Variants in CSNK2A1 observed in about 807,000 individuals in gnomAD.
CSNK2A1 encodes casein kinase 2 alpha 1, also known as casein kinase II subunit alpha.
A neutral mutation model predicts 62.9 loss-of-function variants in CSNK2A1; 10 were observed. The observed-to-expected ratio is 0.16, with a 90% confidence interval of 0.10 to 0.27. CSNK2A1 has a LOEUF of 0.27. Among genes scored for constraint, CSNK2A1 ranks in the 10% least tolerant of loss-of-function variants. The pLI, the probability that CSNK2A1 is intolerant of heterozygous loss-of-function variation, is 1.00. For missense variants in CSNK2A1, 160 were observed against 492.0 expected (o/e 0.33, Z 6.38); for synonymous variants, 124 against 167.8 (o/e 0.74, Z 2.02).
rs1419461172 is a variant in CSNK2A1, at chr20:480,162, A to G, written c.*3799T>C. The G allele has an allele frequency of 2.6e-5, 4 of 152,084 alleles. No homozygotes were observed. Among genetic ancestry groups the G allele is most frequent in the East Asian group, 1.9e-4 (1 of 5,196 alleles). The allele number at this position is 152,084 out of a possible 1,614,324, so 9.4% of individuals were successfully genotyped here. ...TCAGTCTGGCCTGTGGCTTGTAATT[A>G]TAGCTGCAAACTCAAGGGCAAAGTT... On this transcript the variant is annotated 3_prime_UTR_variant, in exon 14 of 14. Coordinates refer to ENST00000217244, the MANE Select transcript of CSNK2A1 (RefSeq NM_177559.3).
At chr20:493,963 T>A (rs1172943343) in intron 8 of CSNK2A1, among the ~76,000 whole-genome samples, 1 of 152,196 alleles carries the variant, frequency 6.6e-6, no homozygotes, top group African/African-American at 2.4e-5. Context: ...CATAATAATA[T>A]TATATGGTAT....
chr20:527,729 G>GT (rs892633737), intron 2 of CSNK2A1, among the ~76,000 whole-genome samples: 6 of 136,858 alleles, frequency 4.4e-5, no homozygotes, highest in African/African-American at 2.6e-5. Flanking sequence ...TGGATGCCCC[G>GT]TGTTTCACCA....
At position 521,581 on chromosome 20, in the gene CSNK2A1, G is replaced by A. The variant is rs572993012; in HGVS notation, c.-110+6352C>T. Among the ~76,000 whole-genome samples the A allele has an allele frequency of 5.4e-5, 8 of 149,518 alleles. No homozygotes were observed. In the East Asian group the frequency reaches 6.1e-4, roughly 11 times the overall value. The stretch of plus-strand genomic sequence containing the variant: ...ATTTACTCAAGAGAAACGGAAACCC[G>A]TATCTACACAAAAACTTATACACAA... On this transcript the variant is annotated intron_variant, in intron 2 of 13. Coordinates refer to ENST00000217244, the MANE Select transcript of CSNK2A1 (RefSeq NM_177559.3).
chr20:522,312 A>C (rs1408031134), intron 2 of CSNK2A1, among the ~76,000 whole-genome samples: 1 of 152,262 alleles, frequency 6.6e-6, no homozygotes, highest in Non-Finnish European at 1.5e-5. Flanking sequence ...AACCTGGCAG[A>C]CTTTACTGAA....
At position 477,269 on chromosome 20, in the gene CSNK2A1, A is replaced by G. The variant is rs1433976343; in HGVS notation, c.*6692T>C. The G allele has an allele frequency of 1.3e-5, 2 of 152,210 alleles. No individual in the cohort carries two copies. The highest frequency in any genetic ancestry group is 4.8e-5 in the African/African-American group (2 of 41,416). 9.4% of individuals were successfully genotyped at this position (152,210 alleles called of 1,614,324 possible). On this transcript the variant is annotated 3_prime_UTR_variant, in exon 14 of 14. Coordinates refer to ENST00000217244, the MANE Select transcript of CSNK2A1 (RefSeq NM_177559.3). ...GAGTACTGTGGCACAATCACACCTC[A>G]CTGCAGCCTTGACTTCTTGGGCTCA...
chr20:539,735 C>G (rs2019409307), intron 1 of CSNK2A1: 1 of 152,240 alleles, frequency 6.6e-6, no homozygotes. Context: ...ATACATCCAT[C>G]CCATCCCAAG....
intron 2 of CSNK2A1, among the ~76,000 whole-genome samples, chr20:526,255 G>C (rs1322373404): frequency 6.6e-6 from 1 of 152,030 alleles, no homozygotes; most frequent in African/African-American, 2.4e-5. Flanking sequence ...AGGATTGTCT[G>C]AGTCCAGGAG....
intron 4 of CSNK2A1, chr20:503,632 T>A (rs987377481): frequency 1.0e-5 from 4 of 398,194 alleles, no homozygotes; most frequent in African/African-American, 8.2e-5. Context: ...TGTGTTATAC[T>A]CCTCGCGATG....
intron 2 of CSNK2A1, among the ~76,000 whole-genome samples, chr20:524,421 C>G (rs886952043): frequency 2.7e-5 from 2 of 74,756 alleles, no homozygotes; most frequent in African/African-American, 9.1e-5. Context: ...GGCTCCTTCT[C>G]AAAAAAAAAA....
At chr20:514,354 A>C (rs1307755103) in intron 2 of CSNK2A1, among the ~76,000 whole-genome samples, 1 of 150,690 alleles carries the variant, frequency 6.6e-6, no homozygotes, top group African/African-American at 2.5e-5. Flanking sequence ...AAAAACAAAC[A>C]AACAAACAAA....
chr20:518,406 G>A (rs1239640481), intron 2 of CSNK2A1, among the ~76,000 whole-genome samples: 2 of 152,090 alleles, frequency 1.3e-5, no homozygotes, highest in Non-Finnish European at 2.9e-5. Context: ...CCCTACTGAA[G>A]GGAATATCAT....
chr20:526,306 C>T (rs189119797), intron 2 of CSNK2A1, among the ~76,000 whole-genome samples: 45 of 151,912 alleles, frequency 3.0e-4, no homozygotes, highest in African/African-American at 1.0e-3. Flanking sequence ...CCCCCAATCT[C>T]TACAAAAATA....
chr20:521,301 G>A (rs1422244563), intron 2 of CSNK2A1, among the ~76,000 whole-genome samples: 1 of 152,122 alleles, frequency 6.6e-6, no homozygotes, highest in Non-Finnish European at 1.5e-5. Flanking sequence ...ATAAGTATAT[G>A]AAAAGATACA....
At chr20:495,693 T>C (rs2018332655) in intron 8 of CSNK2A1, 26 bp downstream of exon 8, 1 of 1,601,518 alleles carries the variant, frequency 6.2e-7, no homozygotes, top group Middle Eastern at 1.7e-4. Context: ...TGTAGATAAA[T>C]AACACTTGTC....
rs1030092538 is a variant in CSNK2A1, at chr20:481,531, C to G, written c.*2430G>C. 1.6e-5 allele frequency: 2 copies of G among 126,388 alleles called. No homozygotes were observed. The highest frequency in any genetic ancestry group is 5.9e-5 in the African/African-American group (2 of 33,686). 7.8% of individuals were successfully genotyped at this position (126,388 alleles called of 1,614,324 possible). On this transcript the variant is annotated 3_prime_UTR_variant, in exon 14 of 14. Coordinates refer to ENST00000217244, the MANE Select transcript of CSNK2A1 (RefSeq NM_177559.3). ...GGGTCTTTTTTTTTTTTCTCTCTCT[C>G]CATGCTTCTGCAGTGACTCTTAAGT...
intron 1 of CSNK2A1, chr20:539,090 A>G (rs1005124655): frequency 1.3e-5 from 2 of 152,244 alleles, no homozygotes; most frequent in African/African-American, 4.8e-5. Context: ...TTCTCTAGAA[A>G]ATGATATCCC....
intron 2 of CSNK2A1, among the ~76,000 whole-genome samples, chr20:524,468 C>T (rs1397560632): frequency 6.8e-6 from 1 of 146,378 alleles, no homozygotes; most frequent in Non-Finnish European, 1.5e-5. Flanking sequence ...AAAAGAGATA[C>T]ATCTAGGCCA....
intron 13 of CSNK2A1, among the ~76,000 whole-genome samples, chr20:485,567 C>T (rs901399860): frequency 2.0e-5 from 3 of 152,178 alleles, no homozygotes; most frequent in African/African-American, 7.2e-5. Context: ...ACTGGCTGCA[C>T]CACATTCCAT....
At chr20:528,598 TTTTTC>T (rs1251738963) in intron 1 of CSNK2A1, among the ~76,000 whole-genome samples, 3 of 152,104 alleles carry the variant, frequency 2.0e-5, no homozygotes, top group African/African-American at 7.2e-5. Context: ...TTTTTTCTTT[TTTTTC>T]TTTCTTTCTT....
Sources: allele counts gnomAD v4.1 joint callset (sites outside exome capture counted in the v4.1 genomes callset), GRCh38; gene constraint gnomAD v4.1.1; transcripts MANE v1.5; gene names NCBI Gene and HGNC (gene_info 2026-07-23, HGNC 2026-07-21).